UNC5D: variants seen among roughly 807,000 people sequenced by gnomAD.
The protein encoded by UNC5D is netrin receptor UNC5D.
Under a neutral mutation model 105.4 loss-of-function variants are expected in UNC5D, and 39 were observed. The observed-to-expected ratio is 0.37, with a 90% confidence interval of 0.29 to 0.48. UNC5D has a LOEUF of 0.48. Among genes scored for constraint, UNC5D ranks in the 20% least tolerant of loss-of-function variants. The pLI, the probability that UNC5D is intolerant of heterozygous loss-of-function variation, is 0.98. For synonymous variants in UNC5D, 452 were observed against 450.4 expected (o/e 1.00, Z -0.04); for missense variants, 991 against 1,202.4 (o/e 0.82, Z 2.60).
chr8:35,470,890 C>A (rs1195093886), intron 1 of UNC5D, among the ~76,000 whole-genome samples: 1 of 152,118 alleles, frequency 6.6e-6, no homozygotes. Context: ...AGAACACCAC[C>A]TCCAAGGCCT....
intron 11 of UNC5D, among the ~76,000 whole-genome samples, chr8:35,744,863 A>C (rs2131619833): frequency 6.6e-6 from 1 of 151,926 alleles, no homozygotes; most frequent in Non-Finnish European, 1.5e-5. Context: ...GACCAGCCTG[A>C]CCAACATGGT....
At chr8:35,715,843 T>C (rs1244298248) in intron 8 of UNC5D, among the ~76,000 whole-genome samples, 6 of 150,710 alleles carry the variant, frequency 4.0e-5, no homozygotes, top group East Asian at 1.9e-4. Context: ...GAATTTTGAG[T>C]TGCAGGGGAG....
chr8:35,540,398 T>C (rs1815184063), intron 1 of UNC5D, among the ~76,000 whole-genome samples: 1 of 151,868 alleles, frequency 6.6e-6, no homozygotes, highest in South Asian at 2.1e-4. Context: ...AAAGCTAAAA[T>C]TGCCATAGTT....
At position 35,765,299 on chromosome 8, in the gene UNC5D, AAGAACAG is replaced by A. The variant is rs1412636879; in HGVS notation, c.2314-1598_2314-1592del. ...GGCTTCCAGCCCCTTCCGCATGGGG[AAGAACAG>A]AGAATGGCAAAGATAGAGTTCCATA... is the stretch of plus-strand genomic sequence containing the variant. On this transcript the variant is annotated intron_variant, in intron 14 of 16. Transcript: ENST00000404895. Among the ~76,000 whole-genome samples, 11 of 152,310 alleles carry A rather than the reference AAGAACAG, an allele frequency of 7.2e-5. No homozygotes were observed. The East Asian group carries it at 2.1e-3, about 29-fold the overall frequency.
Position 35,759,568 on chromosome 8 carries a change from A to G in UNC5D, c.2313+99A>G. On this transcript the variant is annotated intron_variant, in intron 14 of 16. Transcript: ENST00000404895. ...GTCTGCTTGATTTTCCTCCTCCTTT[A>G]AAGGATGGATTTCACCTCAAAACTG... The G allele has an allele frequency of 3.6e-6, 5 of 1,384,258 alleles. No individual in the cohort carries two copies. The Admixed American group carries it at 1.1e-4, about 31-fold the overall frequency. 85.7% of individuals were successfully genotyped at this position (1,384,258 alleles called of 1,614,324 possible). A position where few individuals can be genotyped will look rare whatever the true frequency, so the allele number is the denominator to read the frequency against.
chr8:35,276,571 T>C (rs917729461), intron 1 of UNC5D, among the ~76,000 whole-genome samples: 2 of 152,236 alleles, frequency 1.3e-5, no homozygotes, highest in African/African-American at 4.8e-5. Flanking sequence ...TTTTGATTTG[T>C]CCATCTCTTT....
chr8:35,724,040 G>C, intron 9 of UNC5D: 1 of 993,862 alleles, frequency 1.0e-6, no homozygotes, highest in Non-Finnish European at 1.3e-6. Flanking sequence ...AGTTCTAGAC[G>C]CTGGTTGCTT....
At chr8:35,681,990 A>G (rs1825698235) in intron 4 of UNC5D, among the ~76,000 whole-genome samples, 1 of 152,104 alleles carries the variant, frequency 6.6e-6, no homozygotes, top group South Asian at 2.1e-4. Flanking sequence ...GGGCGGACGG[A>G]GTCTCGCTCT....
At chr8:35,389,582 A>G (rs1803642090) in intron 1 of UNC5D, among the ~76,000 whole-genome samples, 1 of 152,202 alleles carries the variant, frequency 6.6e-6, no homozygotes, top group African/African-American at 2.4e-5. Flanking sequence ...AAAACAAGAA[A>G]GAACATTATG....
intron 1 of UNC5D, among the ~76,000 whole-genome samples, chr8:35,354,996 A>G (rs1563338640): frequency 6.6e-6 from 1 of 152,144 alleles, no homozygotes; most frequent in Non-Finnish European, 1.5e-5. Flanking sequence ...GCTGATTTCC[A>G]AGAGCCAGTG....
At chr8:35,292,446 T>C (rs1006109957) in intron 1 of UNC5D, among the ~76,000 whole-genome samples, 2 of 152,224 alleles carry the variant, frequency 1.3e-5, no homozygotes, top group African/African-American at 4.8e-5. Context: ...AATTTTGTTC[T>C]AATTATTGTA....
At chr8:35,494,170 C>G (rs569866823) in intron 1 of UNC5D, among the ~76,000 whole-genome samples, 8 of 152,022 alleles carry the variant, frequency 5.3e-5, no homozygotes, top group African/African-American at 1.9e-4. Context: ...TACAAACTAC[C>G]TTTTCTGTGA....
chr8:35,391,573 C>T (rs1489056514), intron 1 of UNC5D, among the ~76,000 whole-genome samples: 1 of 152,140 alleles, frequency 6.6e-6, no homozygotes, highest in Admixed American at 6.5e-5. Context: ...AAGAAATGCC[C>T]CACGTTGTGT....
At chr8:35,395,048 G>A (rs1804011894) in intron 1 of UNC5D, among the ~76,000 whole-genome samples, 1 of 152,140 alleles carries the variant, frequency 6.6e-6, no homozygotes, top group African/African-American at 2.4e-5. Context: ...CCTGTAATGT[G>A]CTTTGCCTAG....
chr8:35,345,799 A>C (rs1479899427), intron 1 of UNC5D, among the ~76,000 whole-genome samples: 1 of 152,042 alleles, frequency 6.6e-6, no homozygotes, highest in Non-Finnish European at 1.5e-5. Context: ...AAAGTGCCCA[A>C]AGTGAGGAAC....
intron 1 of UNC5D, among the ~76,000 whole-genome samples, chr8:35,548,986 C>T (rs1223847729): frequency 6.6e-6 from 1 of 152,176 alleles, no homozygotes; most frequent in Non-Finnish European, 1.5e-5. Flanking sequence ...CCTCTCACCT[C>T]ACAGATGTGT....
intron 1 of UNC5D, among the ~76,000 whole-genome samples, chr8:35,430,745 A>G (rs79888441): frequency 0.018 from 2,682 of 152,242 alleles, 99 homozygotes; most frequent in African/African-American, 0.061. Context: ...TCTGTGTTGC[A>G]TGAGAACAGA....
chr8:35,611,010 C>CAAAAAAAAA (rs11314770), intron 4 of UNC5D, among the ~76,000 whole-genome samples: 17 of 60,074 alleles, frequency 2.8e-4, no homozygotes, highest in African/African-American at 6.0e-4. Context: ...GACAAAGAAG[C>CAAAAAAAAA]AAAAAAAAAA....
In UNC5D at chr8:35,790,438, G is replaced by A. The variant is rs1231266951; in HGVS notation, c.2737G>A (p.Gly913Ser). 6 of 1,613,968 alleles carry A rather than the reference G, an allele frequency of 3.7e-6. 1 individual carries two copies. Among genetic ancestry groups the A allele is most frequent in the South Asian group, 2.2e-5 (2 of 91,086 alleles). The change falls in exon 17 of 17, where the codon GGT (glycine) becomes AGT (serine). Residue 913 changes from glycine to serine, a missense_variant. Around this residue, in one of 3 missense-constraint regions of UNC5D, gnomAD observed 45 missense variants for 54.5 expected, o/e 0.83. Coordinates refer to ENST00000404895, the MANE Select transcript of UNC5D (RefSeq NM_080872.4). The part of the protein sequence containing the change: ...NLWEARHQHD[G>S]DLDSLACALE... Reference sequence around the variant, plus strand: ...GTGGGAAGCTCGTCATCAGCATGATGGTGATCTTGACTCCCTGGCCTGTGC... The same window carrying A: ...GTGGGAAGCTCGTCATCAGCATGATAGTGATCTTGACTCCCTGGCCTGTGC...
Sources: gnomAD v4.1 joint callset for allele counts (sites outside exome capture counted in the v4.1 genomes callset) on GRCh38, gnomAD v4.1.1 for gene constraint, gnomAD v4.1.1 regional missense constraint, MANE v1.5 for transcripts, NCBI Gene and HGNC (gene_info 2026-07-23, HGNC 2026-07-21) for gene names.